The following ADGRL3 variants were observed in gnomAD, a reference collection of about 807,000 sequenced individuals.
ADGRL3 encodes the protein calcium-independent alpha-latrotoxin receptor 3.
Under a neutral mutation model 153.5 loss-of-function variants are expected in ADGRL3, and 62 were observed. The ratio of observed to expected loss-of-function variants is 0.40; its 90% CI spans 0.33 to 0.50. ADGRL3 has a LOEUF of 0.50. Ranked by LOEUF, ADGRL3 falls within the 20% of genes least tolerant of loss-of-function variation. The pLI, the probability that ADGRL3 is intolerant of heterozygous loss-of-function variation, is 0.47. For missense variants in ADGRL3, 1,641 were observed against 1,859.4 expected, an observed-to-expected ratio of 0.88 and a Z score of 2.16; for synonymous variants, 710 against 672.5, an observed-to-expected ratio of 1.06 and a Z score of -0.86.
intron 17 of ADGRL3, among the ~76,000 whole-genome samples, chr4:61,960,202 A>G (rs547353945): frequency 1.3e-5 from 2 of 152,250 alleles, no homozygotes; most frequent in South Asian, 4.1e-4. Flanking sequence ...TCAAATTTGA[A>G]ATTATGTATT....
intron 2 of ADGRL3, chr4:61,427,755 G>C (rs199662744): frequency 6.6e-6 from 1 of 152,656 alleles, no homozygotes; most frequent in African/African-American, 2.4e-5. Context: ...CCTAATTCTC[G>C]TTTCAAGCTG....
rs150007494 is a variant in ADGRL3 at position 61,247,614 on chromosome 4, T to C, written c.-240+45849T>C. 6.6e-5 allele frequency among the ~76,000 whole-genome samples: 10 copies of C among 152,176 alleles called. No individual in the cohort carries two copies. The East Asian group carries it at 1.9e-3, about 29-fold the overall frequency. On this transcript the variant is annotated intron_variant, in intron 1 of 26. Coordinates refer to ENST00000683033, the MANE Select transcript of ADGRL3 (RefSeq NM_001387552.1). Reference sequence around the variant, plus strand: ...TTGACTCTTTTCAGGCAAATTTCAGTCAGTTTTAGGGTTTTCTAATTAAAC... The same window carrying C: ...TTGACTCTTTTCAGGCAAATTTCAGCCAGTTTTAGGGTTTTCTAATTAAAC...
intron 9 of ADGRL3, among the ~76,000 whole-genome samples, chr4:61,836,654 T>C (rs541642952): frequency 6.6e-6 from 1 of 152,234 alleles, no homozygotes; most frequent in Non-Finnish European, 1.5e-5. Context: ...AATAACAACG[T>C]TATTCATGAA....
intron 6 of ADGRL3, among the ~76,000 whole-genome samples, chr4:61,681,744 A>G (rs1463799032): frequency 6.6e-6 from 1 of 152,084 alleles, no homozygotes; most frequent in Non-Finnish European, 1.5e-5. Context: ...GATTAAATAC[A>G]TTTTTGCAAC....
intron 1 of ADGRL3, among the ~76,000 whole-genome samples, chr4:61,298,641 T>C (rs1578173990): frequency 6.6e-6 from 1 of 152,262 alleles, no homozygotes; most frequent in East Asian, 1.9e-4. Flanking sequence ...ATAATGACGA[T>C]CAGGACAACC....
At chr4:62,069,865 A>T (rs1342561163) in intron 26 of ADGRL3, among the ~76,000 whole-genome samples, 1 of 152,180 alleles carries the variant, frequency 6.6e-6, no homozygotes, top group African/African-American at 2.4e-5. Context: ...GGTTTTTAAA[A>T]ATTATTTTAA....
chr4:61,588,071 G>A (rs1217663116), intron 5 of ADGRL3, among the ~76,000 whole-genome samples: 1 of 151,596 alleles, frequency 6.6e-6, no homozygotes, highest in Non-Finnish European at 1.5e-5. Context: ...CTGGTCAGTA[G>A]GAATGCATAT....
chr4:62,026,275 G>T (rs1224888857), intron 21 of ADGRL3, among the ~76,000 whole-genome samples: 2 of 152,076 alleles, frequency 1.3e-5, no homozygotes, highest in African/African-American at 4.8e-5. Context: ...CCATTTTGAT[G>T]CCTAAGGCTC....
chr4:61,471,523 A>G (rs1045923012), intron 2 of ADGRL3, among the ~76,000 whole-genome samples: 2 of 151,872 alleles, frequency 1.3e-5, no homozygotes, highest in African/African-American at 2.4e-5. Context: ...AGGAATTTCT[A>G]TTATAAAATG....
At chr4:61,497,374 A>G in intron 3 of ADGRL3, 26 bp downstream of exon 3, 3 of 1,513,248 alleles carry the variant, frequency 2.0e-6, no homozygotes, top group Non-Finnish European at 2.7e-6. Context: ...TTTTTGTGTA[A>G]TGCTTAATGT....
intron 9 of ADGRL3, among the ~76,000 whole-genome samples, chr4:61,868,759 A>C (rs144406750): frequency 6.6e-6 from 1 of 152,108 alleles, no homozygotes; most frequent in Non-Finnish European, 1.5e-5. Flanking sequence ...TTGGCAAGGC[A>C]TTTCCAGCTG....
Position 61,620,940 on chromosome 4 carries a change from A to G in ADGRL3, c.473+33500A>G, listed in dbSNP as rs113763226. ...AGGCGTGAGCCACAGCGCCCAGCCAATTGTGACCTTTTTTAAAGGATAGTT... is the reference window on the plus strand; with the variant it reads ...AGGCGTGAGCCACAGCGCCCAGCCAGTTGTGACCTTTTTTAAAGGATAGTT... On this transcript the variant is annotated intron_variant, in intron 5 of 26. Coordinates refer to ENST00000683033, the MANE Select transcript of ADGRL3 (RefSeq NM_001387552.1). 3.2e-4 allele frequency among the ~76,000 whole-genome samples: 49 copies of G among 152,144 alleles called. 2 individuals carry two copies. The highest frequency in any genetic ancestry group is 1.1e-3 in the African/African-American group (46 of 41,532).
chr4:62,008,693 TATA>T (rs1166065780), intron 21 of ADGRL3, among the ~76,000 whole-genome samples: 2 of 151,246 alleles, frequency 1.3e-5, no homozygotes, highest in African/African-American at 2.4e-5. Context: ...ATATTCCAAT[TATA>T]AAATCTATTT....
chr4:61,469,031 TG>T (rs2097915643), intron 2 of ADGRL3, among the ~76,000 whole-genome samples: 1 of 152,080 alleles, frequency 6.6e-6, no homozygotes, highest in Non-Finnish European at 1.5e-5. Context: ...TTTAGTCATA[TG>T]ACTCTTTCCC....
chr4:61,527,351 ATT>A (rs2098572448), intron 4 of ADGRL3, among the ~76,000 whole-genome samples: 2 of 152,140 alleles, frequency 1.3e-5, no homozygotes, highest in South Asian at 4.1e-4. Context: ...TTGTTGATTT[ATT>A]TCTTACCTTT....
intron 5 of ADGRL3, among the ~76,000 whole-genome samples, chr4:61,620,733 C>T (rs568073996): frequency 2.1e-5 from 3 of 141,556 alleles, no homozygotes; most frequent in East Asian, 4.3e-4. Context: ...TTCTGCCTCT[C>T]GGGTTCAAGC....
At chr4:61,554,715 T>C (rs2098757497) in intron 4 of ADGRL3, among the ~76,000 whole-genome samples, 1 of 152,166 alleles carries the variant, frequency 6.6e-6, no homozygotes. Context: ...AATTAAACTG[T>C]ATCTCTGTGT....
At chr4:61,743,584 A>C (rs1044296887) in intron 8 of ADGRL3, among the ~76,000 whole-genome samples, 1 of 152,204 alleles carries the variant, frequency 6.6e-6, no homozygotes, top group African/African-American at 2.4e-5. Flanking sequence ...TTCAATATCT[A>C]CGATAATTTG....
At chr4:61,325,471 G>T (rs1318500962) in intron 1 of ADGRL3, among the ~76,000 whole-genome samples, 2 of 152,178 alleles carry the variant, frequency 1.3e-5, no homozygotes, top group Non-Finnish European at 2.9e-5. Flanking sequence ...CAAGTGGAAA[G>T]AACTTTCTCA....
Sources: gnomAD v4.1 joint callset for allele counts (sites outside exome capture counted in the v4.1 genomes callset) on GRCh38, gnomAD v4.1.1 for gene constraint, MANE v1.5 for transcripts, NCBI Gene and HGNC (gene_info 2026-07-23, HGNC 2026-07-21) for gene names.